Variants in ARFGEF3 observed in about 807,000 individuals in gnomAD.
The protein encoded by ARFGEF3 is ARFGEF family member 3.
In ARFGEF3, 96 loss-of-function variants were observed where a neutral mutation model predicts 221.7. The observed-to-expected ratio is 0.43, with a 90% confidence interval of 0.37 to 0.51. ARFGEF3 has a LOEUF of 0.51. Ranked by LOEUF, ARFGEF3 falls within the 20% of genes least tolerant of loss-of-function variation. ARFGEF3 has a pLI of 0.00. For missense variants in ARFGEF3, 2,410 were observed against 2,789.9 expected, an observed-to-expected ratio of 0.86 and a Z score of 3.07; for synonymous variants, 1,145 against 1,126.8, an observed-to-expected ratio of 1.02 and a Z score of -0.32.
intron 1 of ARFGEF3, among the ~76,000 whole-genome samples, chr6:138,169,255 C>G (rs1037378500): frequency 1.3e-5 from 2 of 152,208 alleles, no homozygotes; most frequent in Admixed American, 6.5e-5. Flanking sequence ...TACAGCAAAG[C>G]TGCAGGCCAT....
intron 2 of ARFGEF3, among the ~76,000 whole-genome samples, chr6:138,177,099 A>G (rs201273783): frequency 8.0e-6 from 1 of 125,540 alleles, no homozygotes; most frequent in African/African-American, 3.0e-5. Flanking sequence ...ATTTATTTAT[A>G]TTTTTTTTGA....
intron 4 of ARFGEF3, among the ~76,000 whole-genome samples, chr6:138,222,970 C>T (rs7752192): frequency 0.084 from 12,748 of 152,176 alleles, 832 homozygotes; most frequent in East Asian, 0.36. Flanking sequence ...TCCTTGTTTA[C>T]TCTGTGACTC....
intron 26 of ARFGEF3, among the ~76,000 whole-genome samples, chr6:138,315,871 A>G (rs1779917522): frequency 6.6e-6 from 1 of 152,084 alleles, no homozygotes; most frequent in Admixed American, 6.6e-5. Flanking sequence ...AATTCTCACA[A>G]GTTCAGATTA....
chr6:138,200,669 T>C (rs1357143753), intron 2 of ARFGEF3, among the ~76,000 whole-genome samples: 1 of 151,998 alleles, frequency 6.6e-6, no homozygotes, highest in Non-Finnish European at 1.5e-5. Flanking sequence ...TATACAAAAA[T>C]CAACTCAAGA....
chr6:138,269,817 A>AG (rs1036776765), intron 12 of ARFGEF3, among the ~76,000 whole-genome samples: 7 of 148,838 alleles, frequency 4.7e-5, no homozygotes, highest in African/African-American at 1.6e-4. Flanking sequence ...CAAAAAAAGA[A>AG]GAAAAAAAAA....
At chr6:138,280,218 G>T in intron 14 of ARFGEF3, 54 bp downstream of exon 14, 1 of 1,551,558 alleles carries the variant, frequency 6.4e-7, no homozygotes, top group Non-Finnish European at 8.8e-7. Flanking sequence ...GACGGCTCAC[G>T]CTTTAAAGCC....
intron 10 of ARFGEF3, among the ~76,000 whole-genome samples, chr6:138,259,899 G>A (rs1778754822): frequency 6.6e-6 from 1 of 151,850 alleles, no homozygotes; most frequent in Non-Finnish European, 1.5e-5. Flanking sequence ...GGGTGACAGA[G>A]CGAGATTCCA....
intron 23 of ARFGEF3, among the ~76,000 whole-genome samples, chr6:138,308,518 G>C (rs564285532): frequency 3.3e-5 from 5 of 151,980 alleles, no homozygotes; most frequent in African/African-American, 9.7e-5. Context: ...CTCTGCACTC[G>C]GCCAGCTCAG....
At chr6:138,207,765 G>C (rs17621551) in intron 3 of ARFGEF3, among the ~76,000 whole-genome samples, 1,972 of 152,302 alleles carry the variant, frequency 0.013, 19 homozygotes, top group Middle Eastern at 0.024. Flanking sequence ...GCACTGTGAA[G>C]TTGAAGCCTG....
intron 29 of ARFGEF3, among the ~76,000 whole-genome samples, 178 bp downstream of exon 29, chr6:138,321,403 TG>T (rs528394810): frequency 1.4e-3 from 211 of 152,336 alleles, no homozygotes; most frequent in African/African-American, 4.9e-3. Flanking sequence ...TCAGCAAATG[TG>T]TATTGTATAA....
At chr6:138,292,534 G>A (rs1259849886) in intron 19 of ARFGEF3, among the ~76,000 whole-genome samples, 29 of 152,214 alleles carry the variant, frequency 1.9e-4, no homozygotes, top group Admixed American at 1.9e-3. Flanking sequence ...GGTGAAGAGG[G>A]AAAATCACCA....
intron 12 of ARFGEF3, among the ~76,000 whole-genome samples, chr6:138,271,809 A>G (rs1197625115): frequency 6.6e-6 from 1 of 152,206 alleles, no homozygotes; most frequent in Admixed American, 6.5e-5. Flanking sequence ...GGATGCCTCT[A>G]TGATACCCAT....
intron 2 of ARFGEF3, among the ~76,000 whole-genome samples, chr6:138,195,332 G>C (rs1001493599): frequency 2.0e-5 from 3 of 151,952 alleles, no homozygotes; most frequent in Non-Finnish European, 4.4e-5. Flanking sequence ...AAGGTAACAT[G>C]TTTTATTCTT....
intron 20 of ARFGEF3, among the ~76,000 whole-genome samples, chr6:138,294,743 A>G (rs1044748979): frequency 2.6e-5 from 4 of 152,206 alleles, no homozygotes; most frequent in African/African-American, 7.2e-5. Context: ...AAGCATTGGC[A>G]GGTTGCTCAT....
chr6:138,248,334 G>A (rs191303666), intron 8 of ARFGEF3, among the ~76,000 whole-genome samples: 2 of 152,198 alleles, frequency 1.3e-5, no homozygotes, highest in East Asian at 3.9e-4. Context: ...CCACAGCCTC[G>A]CCGGTGGCAG....
At chr6:138,228,055 A>C (rs1778119830) in intron 4 of ARFGEF3, among the ~76,000 whole-genome samples, 1 of 152,062 alleles carries the variant, frequency 6.6e-6, no homozygotes, top group African/African-American at 2.4e-5. Context: ...ATCCCTCCCT[A>C]CCTACCAAAT....
chr6:138,203,282 T>A, intron 2 of ARFGEF3, among the ~76,000 whole-genome samples: 1 of 152,172 alleles, frequency 6.6e-6, no homozygotes, highest in East Asian at 1.9e-4. Flanking sequence ...TCAGATGAAT[T>A]TGGGTTTGAG....
In ARFGEF3 at chr6:138,308,758, G is replaced by C; in HGVS notation, c.3993G>C (p.Val1331=). ...DYSMGKGQAP[V]FDVFEAFLNT... ...CCTTAGGAAAAGGCCAAGCTCCAGTGTTTGATGTATTTGAAGCTTTTCTCA... is the reference window on the plus strand; with the variant it reads ...CCTTAGGAAAAGGCCAAGCTCCAGTCTTTGATGTATTTGAAGCTTTTCTCA... Residue 1331 remains valine (V), a synonymous_variant, in exon 24 of 34, where the codon GTG becomes GTC. Transcript: ENST00000251691. The C allele has an allele frequency of 6.2e-7, 1 of 1,613,942 alleles. No individual in the cohort carries two copies. Among genetic ancestry groups the C allele is most frequent in the Non-Finnish European group, 8.5e-7 (1 of 1,179,802 alleles).
rs577886045 is a variant in ARFGEF3, at chr6:138,340,618, C to T, written c.*4132C>T. 4 of 152,302 alleles carry T rather than the reference C, an allele frequency of 2.6e-5. No individual in the cohort carries two copies. Among genetic ancestry groups the T allele is most frequent in the African/African-American group, 4.8e-5 (2 of 41,572 alleles). 9.4% of individuals were successfully genotyped at this position (152,302 alleles called of 1,614,324 possible). On this transcript the variant is annotated 3_prime_UTR_variant, in exon 34 of 34. Coordinates refer to ENST00000251691, the MANE Select transcript of ARFGEF3 (RefSeq NM_020340.5). ...GCAAACCCTTACCTGTATTATCACA[C>T]GTAGTCCTCACAACAACCTTGTGAG... is the stretch of plus-strand genomic sequence containing the variant.
Sources: gnomAD v4.1 joint callset for allele counts (sites outside exome capture counted in the v4.1 genomes callset) on GRCh38, gnomAD v4.1.1 for gene constraint, MANE v1.5 for transcripts, NCBI Gene and HGNC (gene_info 2026-07-23, HGNC 2026-07-21) for gene names.